Variants in CDC6 observed in about 807,000 individuals in gnomAD.
CDC6 encodes cell division cycle 6, also known as DNA replication factor CDC6.
In CDC6, 46 loss-of-function variants were observed where a neutral mutation model predicts 60.2. The observed-to-expected ratio is 0.76, with a 90% CI of 0.60 to 0.98. The LOEUF is 0.98. CDC6 is among the 50% of genes least tolerant of loss of function. CDC6 has a pLI of 0.00. For missense variants in CDC6, 596 were observed against 652.9 expected, an observed-to-expected ratio of 0.91 and a Z score of 0.95; for synonymous variants, 210 against 233.2, an observed-to-expected ratio of 0.90 and a Z score of 0.90.
At position 40,301,347 on chromosome 17, in the gene CDC6, G is replaced by A; in HGVS notation, c.1453-121G>A. On this transcript the variant is annotated intron_variant, in intron 10 of 11. Transcript: ENST00000209728. ...GCCTGTTCAAAGATTTTATTGAAAA[G>A]AGGAAGAAATAGGGTATTCAGATAA... The A allele has an allele frequency of 4.3e-6, 4 of 921,192 alleles. No homozygotes were observed. The South Asian group carries it at 5.3e-5, about 12-fold the overall frequency. The allele number at this position is 921,192 out of a possible 1,614,324, so 57.1% of individuals were successfully genotyped here. A position where few individuals can be genotyped will look rare whatever the true frequency, so the allele number is the denominator to read the frequency against.
At position 40,302,142 on chromosome 17, in the gene CDC6, T is replaced by C; in HGVS notation, c.*141T>C. ...AGCCAATGAATTTTAATCTATAGAT[T>C]CTTTAATATTAGCACAGAATAATAT... On this transcript the variant is annotated 3_prime_UTR_variant, in exon 12 of 12. Coordinates refer to ENST00000209728, the MANE Select transcript of CDC6 (RefSeq NM_001254.4). 1 of 709,000 alleles carries C rather than the reference T, an allele frequency of 1.4e-6. No homozygotes were observed. Among genetic ancestry groups the C allele is most frequent in the Non-Finnish European group, 2.6e-6 (1 of 388,968 alleles). 43.9% of individuals were successfully genotyped at this position (709,000 alleles called of 1,614,324 possible).
chr17:40,302,559 T>G lies in CDC6; in HGVS notation c.*558T>G, dbSNP rs968758076. On this transcript the variant is annotated 3_prime_UTR_variant, in exon 12 of 12. Transcript: ENST00000209728. ...TAGTAGAGACAGGGTTTTACCATGT[T>G]GGCCAGGCTGGTCTTGAACTCCTGA... 6.5e-5 allele frequency: 10 copies of G among 154,978 alleles called. No homozygotes were observed. The highest frequency in any genetic ancestry group is 2.4e-4 in the African/African-American group (10 of 41,468). 9.6% of individuals were successfully genotyped at this position (154,978 alleles called of 1,614,324 possible). A position where few individuals can be genotyped will look rare whatever the true frequency, so the allele number is the denominator to read the frequency against.
intron 9 of CDC6, among the ~76,000 whole-genome samples, chr17:40,298,218 TC>T (rs2032885571): frequency 6.6e-6 from 1 of 152,178 alleles, no homozygotes. Context: ...ACTGGTTTCT[TC>T]CTCCTTTTCA....
intron 11 of CDC6, 46 bp from the exon 12 acceptor site, chr17:40,301,866 T>A: frequency 7.8e-7 from 1 of 1,289,494 alleles, no homozygotes. Flanking sequence ...ACAACTTTGC[T>A]TTTGTGAGTT....
At chr17:40,296,552 T>G in intron 8 of CDC6, 151 bp from the exon 9 acceptor site, 1 of 604,066 alleles carries the variant, frequency 1.7e-6, no homozygotes, top group Non-Finnish European at 3.0e-6. Flanking sequence ...ACACGTAGGA[T>G]ATGTGTAGGC....
At position 40,294,495 on chromosome 17, in the gene CDC6, C is replaced by T; in HGVS notation, c.1075C>T (p.Leu359Phe). 1.2e-6 allele frequency: 2 copies of T among 1,614,064 alleles called. No homozygotes were observed. The highest frequency in any genetic ancestry group is 1.7e-6 in the Non-Finnish European group (2 of 1,179,984). The stretch of plus-strand genomic sequence containing the variant: ...GATAGTCACTATTTTGCAAGATCGA[C>T]TTAATCAGGTCAGTGCCAACTATTT... ...NQIVTILQDR[L>F]NQVSRDQVLD... Residue 359 changes from leucine to phenylalanine, a missense_variant, in exon 7 of 12, where the codon CTT (leucine) becomes TTT (phenylalanine). Coordinates refer to ENST00000209728, the MANE Select transcript of CDC6 (RefSeq NM_001254.4).
intron 5 of CDC6, 40 bp downstream of exon 5, chr17:40,293,671 G>T: frequency 1.2e-5 from 18 of 1,493,232 alleles, no homozygotes; most frequent in Non-Finnish European, 1.4e-5. Context: ...GTGAAAATCT[G>T]CAAGGTCTGT....
rs1567738137 is a variant in CDC6, at chr17:40,302,962, C to G, written c.*961C>G. 1 of 152,186 alleles carries G rather than the reference C, an allele frequency of 6.6e-6. No individual in the cohort carries two copies. Among genetic ancestry groups the G allele is most frequent in the Non-Finnish European group, 1.5e-5 (1 of 68,020 alleles). The allele number at this position is 152,186 out of a possible 1,614,324, so 9.4% of individuals were successfully genotyped here. A position where few individuals can be genotyped will look rare whatever the true frequency, so the allele number is the denominator to read the frequency against. On this transcript the variant is annotated 3_prime_UTR_variant, in exon 12 of 12. Transcript: ENST00000209728. ...CAATCAGATTTCAAGAGAGCTCAAG[C>G]TTTCAGAAGTCAATGTGAAAATTCC... is the stretch of plus-strand genomic sequence containing the variant.
In CDC6 at chr17:40,293,934, G is replaced by A; in HGVS notation, c.837-16G>A. ...AAGAAGGTGAATATGGATACTAACT[G>A]TTTCTCTTTTTATAGTGTGTTGGTA... On this transcript the variant is annotated splice_polypyrimidine_tract_variant and intron_variant, in intron 5 of 11. Transcript: ENST00000209728. 1 of 1,594,926 alleles carries A rather than the reference G, an allele frequency of 6.3e-7. No homozygotes were observed. Among genetic ancestry groups the A allele is most frequent in the Middle Eastern group, 1.7e-4 (1 of 6,026 alleles).
chr17:40,290,956 T>C, intron 2 of CDC6, 102 bp from the exon 3 acceptor site: 1 of 1,220,194 alleles, frequency 8.2e-7, no homozygotes, highest in Non-Finnish European at 1.2e-6. Flanking sequence ...TGGTTCTGAC[T>C]AAGGTAGAAA....
intron 10 of CDC6, 95 bp downstream of exon 10, chr17:40,301,125 TAATA>T: frequency 1.2e-6 from 1 of 868,106 alleles, no homozygotes; most frequent in Non-Finnish European, 2.0e-6. Context: ...CTTCAGCTGA[TAATA>T]AATTTAAAAT....
chr17:40,294,922 A>G (rs2032836644), intron 7 of CDC6, among the ~76,000 whole-genome samples: 1 of 151,926 alleles, frequency 6.6e-6, no homozygotes, highest in Non-Finnish European at 1.5e-5. Context: ...CTGGGGTTTC[A>G]CCGTCTTGGC....
rs1415262749 is a variant in CDC6, at chr17:40,289,544, G to T, written c.124G>T (p.Val42Leu). ...ACTAGAACCAACAAATGTCCAAACC[G>T]TAACCTGTTCTCCTCGTGTAAAAGC... ...AKLEPTNVQT[V>L]TCSPRVKALP... is the part of the protein sequence containing the mutation. Residue 42 changes from valine (V) to leucine (L), a missense_variant, in exon 2 of 12, where the codon GTA (valine) becomes TTA (leucine). By Grantham distance (32) the Val-to-Leu change is conservative. Coordinates refer to ENST00000209728, the MANE Select transcript of CDC6 (RefSeq NM_001254.4). 8 of 1,613,762 alleles carry T rather than the reference G, an allele frequency of 5.0e-6. No homozygotes were observed. Among genetic ancestry groups the T allele is most frequent in the Admixed American group, 3.3e-5 (2 of 59,974 alleles).
At position 40,294,038 on chromosome 17, in the gene CDC6, T is replaced by C. The variant is rs1412391886; in HGVS notation, c.925T>C (p.Ser309Pro). ...ATTTGAATGGCCATGGCTAAGCAAT[T>C]CTCACTTGGTGCTGATTGGTTAGTG... is the stretch of plus-strand genomic sequence containing the variant. ...TLFEWPWLSN[S>P]HLVLIGIANT... Residue 309 changes from serine to proline, a missense_variant, in exon 6 of 12, where the codon TCT (serine) becomes CCT (proline). By Grantham distance (74) the Ser-to-Pro change is moderately conservative (BLOSUM62 -1). Transcript: ENST00000209728. 3 of 1,612,094 alleles carry C rather than the reference T, an allele frequency of 1.9e-6. No homozygotes were observed. Among genetic ancestry groups the C allele is most frequent in the Non-Finnish European group, 2.5e-6 (3 of 1,178,116 alleles).
Position 40,291,162 on chromosome 17 carries a change from A to C in CDC6, c.283A>C (p.Arg95=). The C allele has an allele frequency of 6.2e-7, 1 of 1,614,212 alleles. No homozygotes were observed. The highest frequency in any genetic ancestry group is 8.5e-7 in the Non-Finnish European group (1 of 1,180,024). The change falls in exon 3 of 12, where the codon AGA becomes CGA. Residue 95 remains arginine (R), a synonymous_variant. Transcript: ENST00000209728. ...TCACTCACATACACTTAAGGGACGA[A>C]GATTGGTATTTGACAATCAGCTGAC... is the stretch of plus-strand genomic sequence containing the variant. The part of the protein sequence containing the change: ...PPHSHTLKGR[R]LVFDNQLTIK...
intron 9 of CDC6, among the ~76,000 whole-genome samples, chr17:40,297,566 A>G (rs1335491554): frequency 1.3e-5 from 2 of 152,208 alleles, no homozygotes; most frequent in Non-Finnish European, 2.9e-5. Context: ...TGGCACATGT[A>G]TACCTATGTA....
At chr17:40,289,620 T>G (rs1266071913) in intron 2 of CDC6, 22 bp downstream of exon 2, 1 of 1,601,574 alleles carries the variant, frequency 6.2e-7, no homozygotes, top group Non-Finnish European at 8.6e-7. Context: ...ATTATATCAC[T>G]TTTTCACTAG....
intron 9 of CDC6, among the ~76,000 whole-genome samples, chr17:40,299,230 C>T (rs2032903958): frequency 6.9e-6 from 1 of 145,702 alleles, no homozygotes; most frequent in South Asian, 2.2e-4. Flanking sequence ...TCAATGCAAC[C>T]TCCTCCTCCC....
chr17:40,296,790 G>C (rs1224623492), intron 9 of CDC6, 23 bp downstream of exon 9: 1 of 1,460,470 alleles, frequency 6.8e-7, no homozygotes, highest in African/African-American at 1.4e-5. Context: ...TCTCCTTCCT[G>C]TCTTCCTTTG....
Sources: gnomAD v4.1 joint callset for allele counts (sites outside exome capture counted in the v4.1 genomes callset) on GRCh38, gnomAD v4.1.1 for gene constraint, MANE v1.5 for transcripts, NCBI Gene and HGNC (gene_info 2026-07-23, HGNC 2026-07-21) for gene names.